ABCB11: variants seen among roughly 807,000 people sequenced by gnomAD.
ABCB11 encodes the protein ATP binding cassette subfamily B member 11, also known as bile salt export pump.
Under a neutral mutation model 148.0 loss-of-function variants are expected in ABCB11, and 95 were observed. That is an observed-to-expected ratio of 0.64 (90% confidence interval 0.54 to 0.76). The LOEUF is 0.76. Among genes scored for constraint, ABCB11 ranks in the 30% least tolerant of loss-of-function variants. The pLI is 0.00. For missense variants in ABCB11, 1,523 were observed against 1,617.8 expected (o/e 0.94, Z 1.01); for synonymous variants, 591 against 555.4 (o/e 1.06, Z -0.90).
intron 5 of ABCB11, among the ~76,000 whole-genome samples, chr2:169,009,391 T>C: frequency 6.6e-6 from 1 of 152,042 alleles, no homozygotes. Flanking sequence ...TGGAATACTA[T>C]GCAGCCATAA....
chr2:168,948,138 C>T (rs1185005370), intron 19 of ABCB11, among the ~76,000 whole-genome samples: 1 of 151,704 alleles, frequency 6.6e-6, no homozygotes, highest in Non-Finnish European at 1.5e-5. Context: ...AAAGTCAGAA[C>T]TCTCCACAGC....
intron 1 of ABCB11, among the ~76,000 whole-genome samples, chr2:169,029,587 C>T (rs912056317): frequency 1.3e-5 from 2 of 152,112 alleles, no homozygotes; most frequent in Admixed American, 6.5e-5. Context: ...ACGGTGATCC[C>T]ATTGGCCACG....
intron 17 of ABCB11, among the ~76,000 whole-genome samples, chr2:168,966,972 C>A (rs1574443190): frequency 6.6e-6 from 1 of 151,906 alleles, no homozygotes; most frequent in South Asian, 2.1e-4. Flanking sequence ...TAATAAACTG[C>A]AAATAAACTA....
At chr2:169,021,756 T>C (rs1359458111) in intron 1 of ABCB11, among the ~76,000 whole-genome samples, 1 of 152,082 alleles carries the variant, frequency 6.6e-6, no homozygotes, top group Non-Finnish European at 1.5e-5. Context: ...TAATTATAAT[T>C]GTAACACAAT....
At chr2:169,021,524 T>A (rs973737222) in intron 1 of ABCB11, among the ~76,000 whole-genome samples, 16 of 152,062 alleles carry the variant, frequency 1.1e-4, no homozygotes, top group Admixed American at 9.2e-4. Flanking sequence ...AGCCTGCAAC[T>A]GTAATGAAAA....
chr2:168,984,683 T>G (rs1473801129), intron 10 of ABCB11, among the ~76,000 whole-genome samples: 1 of 152,174 alleles, frequency 6.6e-6, no homozygotes, highest in African/African-American at 2.4e-5. Context: ...TATTTTCTTT[T>G]TGGACTCAGT....
intron 19 of ABCB11, among the ~76,000 whole-genome samples, chr2:168,948,208 A>G (rs923627507): frequency 2.0e-5 from 3 of 151,728 alleles, no homozygotes; most frequent in African/African-American, 7.3e-5. Context: ...TGCTTTTATA[A>G]GAGGTAAAGA....
At chr2:168,957,915 T>TA in intron 19 of ABCB11, 49 bp downstream of exon 19, 3 of 1,401,108 alleles carry the variant, frequency 2.1e-6, no homozygotes, top group Non-Finnish European at 2.8e-6. Context: ...ATCAAAATAA[T>TA]AAAATAAAAG....
At chr2:168,930,555 T>G in intron 25 of ABCB11, 110 bp downstream of exon 25, 1 of 851,112 alleles carries the variant, frequency 1.2e-6, no homozygotes, top group Non-Finnish European at 1.6e-6. Context: ...GTAAGTGCCT[T>G]AGGCAAGCAT....
At chr2:168,929,489 T>C (rs1363208794) in intron 25 of ABCB11, among the ~76,000 whole-genome samples, 1 of 152,214 alleles carries the variant, frequency 6.6e-6, no homozygotes, top group East Asian at 1.9e-4. Context: ...GAACAATATT[T>C]ACATAATCAT....
At chr2:168,934,739 C>T (rs1303457460) in intron 23 of ABCB11, among the ~76,000 whole-genome samples, 2 of 152,182 alleles carry the variant, frequency 1.3e-5, no homozygotes, top group African/African-American at 4.8e-5. Context: ...CATCCCTTTG[C>T]AACATGGCTT....
At chr2:169,010,300 T>C (rs1695142107) in intron 5 of ABCB11, among the ~76,000 whole-genome samples, 3 of 152,080 alleles carry the variant, frequency 2.0e-5, no homozygotes, top group Admixed American at 2.0e-4. Flanking sequence ...CTTCATCTGC[T>C]TTCATTTTTT....
intron 18 of ABCB11, among the ~76,000 whole-genome samples, chr2:168,961,065 C>T (rs184911537): frequency 2.6e-5 from 4 of 151,796 alleles, no homozygotes; most frequent in Admixed American, 2.6e-4. Flanking sequence ...CAGTGTGATA[C>T]CTGGCACTTC....
intron 19 of ABCB11, 89 bp from the exon 20 acceptor site, chr2:168,945,050 G>A (rs1345927315): frequency 7.8e-6 from 7 of 900,656 alleles, no homozygotes; most frequent in East Asian, 2.7e-5. Flanking sequence ...TTCTTACCAT[G>A]TCATTATATA....
Position 168,969,483 on chromosome 2 carries a change from G to T in ABCB11, c.1878C>A (p.Ile626=). ...CTGCAGTGCCATGTTCAAAACCAATGATGGTATCTGCAGCTCTGACCGTAG... is the reference window on the plus strand; with the variant it reads ...CTGCAGTGCCATGTTCAAAACCAATTATGGTATCTGCAGCTCTGACCGTAG... The part of the protein sequence containing the change: ...RLSTVRAADT[I]IGFEHGTAVE... Residue 626 remains isoleucine (I), a synonymous_variant, in exon 16 of 28, where the codon ATC becomes ATA. Transcript: ENST00000650372. The T allele has an allele frequency of 1.2e-6, 2 of 1,612,544 alleles. No individual in the cohort carries two copies. The highest frequency in any genetic ancestry group is 1.7e-6 in the Non-Finnish European group (2 of 1,179,172).
chr2:168,935,795 G>A (rs1470913103), intron 22 of ABCB11, among the ~76,000 whole-genome samples: 1 of 152,164 alleles, frequency 6.6e-6, no homozygotes, highest in Non-Finnish European at 1.5e-5. Context: ...CCCCAAGCCT[G>A]GGGGACTCTA....
intron 24 of ABCB11, among the ~76,000 whole-genome samples, chr2:168,931,498 ATAGG>A (rs1691564863): frequency 6.6e-6 from 1 of 152,246 alleles, no homozygotes; most frequent in African/African-American, 2.4e-5. Flanking sequence ...ATTTTCAAAA[ATAGG>A]TAGAGAAGAT....
At chr2:168,994,153 T>A (rs559081211) in intron 7 of ABCB11, among the ~76,000 whole-genome samples, 1 of 152,234 alleles carries the variant, frequency 6.6e-6, no homozygotes, top group South Asian at 2.1e-4. Flanking sequence ...ATCTTATTTG[T>A]CTTTTTCTTT....
At chr2:169,004,436 T>G (rs1258083250) in intron 5 of ABCB11, among the ~76,000 whole-genome samples, 1 of 152,202 alleles carries the variant, frequency 6.6e-6, no homozygotes, top group African/African-American at 2.4e-5. Flanking sequence ...GAAGTTTCTT[T>G]CTTCTGTTTA....
Sources: allele counts gnomAD v4.1 joint callset (sites outside exome capture counted in the v4.1 genomes callset), GRCh38; gene constraint gnomAD v4.1.1; transcripts MANE v1.5; gene names NCBI Gene and HGNC (gene_info 2026-07-23, HGNC 2026-07-21).